Variants in PDE10A observed in about 807,000 individuals in gnomAD.
PDE10A encodes cAMP and cAMP-inhibited cGMP 3',5'-cyclic phosphodiesterase 10A.
Under a neutral mutation model 97.7 loss-of-function variants are expected in PDE10A, and 39 were observed. The observed-to-expected ratio is 0.40, with a 90% CI of 0.31 to 0.52. The LOEUF (loss-of-function observed/expected upper bound fraction) is 0.52. Ranked by LOEUF, PDE10A falls within the 20% of genes least tolerant of loss-of-function variation. PDE10A has a pLI of 0.56. For synonymous variants in PDE10A, 371 were observed against 376.8 expected, an observed-to-expected ratio of 0.98 and a Z score of 0.18; for missense variants, 731 against 1,047.8, an observed-to-expected ratio of 0.70 and a Z score of 4.17.
chr6:165,362,949 A>G (rs1783520825), intron 18 of PDE10A, among the ~76,000 whole-genome samples: 1 of 152,220 alleles, frequency 6.6e-6, no homozygotes, highest in South Asian at 2.1e-4. Context: ...CTAATAGAAT[A>G]AATAACAAAA....
At chr6:165,823,116 G>A (rs1467648360) in intron 1 of PDE10A, among the ~76,000 whole-genome samples, 1 of 151,920 alleles carries the variant, frequency 6.6e-6, no homozygotes, top group East Asian at 1.9e-4. Flanking sequence ...ACAGGAGTGA[G>A]CCACCGCTCC....
At position 165,447,877 on chromosome 6, in the gene PDE10A, G is replaced by A. The variant is rs192113992; in HGVS notation, c.1194+1051C>T. The stretch of plus-strand genomic sequence containing the variant: ...GCCTTTCATTTTTGAGGTAACAAGC[G>A]TAATTTGTTACAATACAAGGGAAAA... On this transcript the variant is annotated intron_variant, in intron 5 of 21. Transcript: ENST00000539869. 3.7e-4 allele frequency among the ~76,000 whole-genome samples: 56 copies of A among 152,260 alleles called. No homozygotes were observed. In the East Asian group the frequency reaches 4.5e-3, roughly 12 times the overall value.
intron 11 of PDE10A, among the ~76,000 whole-genome samples, chr6:165,416,616 T>C (rs371846343): frequency 1.3e-5 from 2 of 152,292 alleles, no homozygotes; most frequent in South Asian, 2.1e-4. Context: ...ATTTTTTTAG[T>C]GGATTCTCAA....
chr6:165,797,215 T>A (rs148550888), intron 1 of PDE10A, among the ~76,000 whole-genome samples: 2 of 152,346 alleles, frequency 1.3e-5, no homozygotes, highest in Non-Finnish European at 2.9e-5. Flanking sequence ...CCAGACATAC[T>A]ACTGAGATGC....
At chr6:165,461,308 C>T (rs1222487193) in intron 3 of PDE10A, among the ~76,000 whole-genome samples, 1 of 152,088 alleles carries the variant, frequency 6.6e-6, no homozygotes, top group Non-Finnish European at 1.5e-5. Context: ...TTTAGCTGAG[C>T]AAGACTGTAA....
intron 2 of PDE10A, among the ~76,000 whole-genome samples, chr6:165,501,694 C>A (rs73037869): frequency 6.6e-6 from 1 of 152,084 alleles, no homozygotes; most frequent in African/African-American, 2.4e-5. Flanking sequence ...GTTAAGGATA[C>A]CCTGTTGAAG....
In PDE10A at chr6:165,338,240, G is replaced by A. The variant is rs555303680; in HGVS notation, c.2976+1038C>T. Among the ~76,000 whole-genome samples the A allele has an allele frequency of 2.6e-4, 40 of 152,316 alleles. No individual in the cohort carries two copies. In the South Asian group the frequency reaches 8.1e-3, roughly 31 times the overall value. On this transcript the variant is annotated intron_variant, in intron 20 of 21. Coordinates refer to ENST00000539869, the MANE Select transcript of PDE10A (RefSeq NM_001385079.1). ...GTGCTGGTACCCTCTGTGAGCTGTG[G>A]ACTTGTCTAAATTTTGTATAAATCA...
intron 1 of PDE10A, among the ~76,000 whole-genome samples, chr6:165,732,734 C>A (rs897410268): frequency 6.6e-6 from 1 of 152,214 alleles, no homozygotes; most frequent in Admixed American, 6.5e-5. Context: ...AGCGTCACAT[C>A]CAAAATCTCC....
intron 2 of PDE10A, among the ~76,000 whole-genome samples, chr6:165,498,713 T>C (rs528352364): frequency 6.6e-6 from 1 of 152,272 alleles, no homozygotes; most frequent in East Asian, 1.9e-4. Context: ...AAGTTTAAAG[T>C]TGCTGACTTA....
chr6:165,717,881 A>G (rs923815593), intron 1 of PDE10A, among the ~76,000 whole-genome samples: 3 of 152,288 alleles, frequency 2.0e-5, no homozygotes, highest in Admixed American at 6.5e-5. Flanking sequence ...GGCCATCTGT[A>G]TATCTTCTCT....
chr6:165,364,743 T>A (rs1783653659), intron 18 of PDE10A, among the ~76,000 whole-genome samples: 1 of 152,216 alleles, frequency 6.6e-6, no homozygotes. Context: ...TATAAAATTT[T>A]AACTTAATAG....
At chr6:165,956,718 G>A (rs1370794103) in intron 1 of PDE10A, among the ~76,000 whole-genome samples, 2 of 152,158 alleles carry the variant, frequency 1.3e-5, no homozygotes, top group Admixed American at 6.5e-5. Context: ...GGTGAGCTGC[G>A]GGATTTCTCT....
intron 1 of PDE10A, among the ~76,000 whole-genome samples, chr6:165,843,757 T>C (rs1780326435): frequency 6.6e-6 from 1 of 152,106 alleles, no homozygotes; most frequent in South Asian, 2.1e-4. Context: ...GCGCGACAGG[T>C]GCAGAGAAAA....
At chr6:165,664,403 G>A (rs1156230207), upstream of PDE10A, among the ~76,000 whole-genome samples, 2 of 152,180 alleles carry the variant, frequency 1.3e-5, no homozygotes, top group African/African-American at 2.4e-5. Flanking sequence ...AAGCTGAGCA[G>A]TTGGGATGCA....
At chr6:165,980,080 T>C (rs1172773969) in intron 1 of PDE10A, among the ~76,000 whole-genome samples, 1 of 152,212 alleles carries the variant, frequency 6.6e-6, no homozygotes, top group African/African-American at 2.4e-5. Context: ...AAAAAAGTTG[T>C]CTTATGAATC....
intron 2 of PDE10A, among the ~76,000 whole-genome samples, chr6:165,527,894 A>G (rs527941038): frequency 1.1e-3 from 169 of 152,310 alleles, no homozygotes; most frequent in Non-Finnish European, 1.7e-3. Context: ...GACCTGGTTC[A>G]CAGATGGTTC....
intron 16 of PDE10A, among the ~76,000 whole-genome samples, chr6:165,391,738 G>A (rs963085325): frequency 6.6e-6 from 1 of 151,974 alleles, no homozygotes. Context: ...TTTTTTCCTA[G>A]AATGCATCTT....
chr6:165,749,446 CCATCACATCACCAT>C (rs1792942553), intron 1 of PDE10A, among the ~76,000 whole-genome samples: 1 of 106,684 alleles, frequency 9.4e-6, no homozygotes, highest in East Asian at 2.7e-4. Context: ...ACCATCACCA[CCATCACATCACCAT>C]CATCAACAAC....
In PDE10A at chr6:165,734,581, T is replaced by C. The variant is rs986930333; in HGVS notation, c.-614-191013A>G. ...ACAGTTTCTAGAAATAAAAATACAG[T>C]TACTAAAAATGAAGAATGAAATAAA... On this transcript the variant is annotated intron_variant, in intron 1 of 19. Coordinates refer to the PDE10A transcript ENST00000366882. Among the ~76,000 whole-genome samples the C allele has an allele frequency of 2.6e-5, 4 of 151,986 alleles. No homozygotes were observed. The South Asian group carries it at 8.3e-4, about 32-fold the overall frequency.
Sources: gnomAD v4.1 joint callset for allele counts (sites outside exome capture counted in the v4.1 genomes callset) on GRCh38, gnomAD v4.1.1 for gene constraint, MANE v1.5 for transcripts, NCBI Gene and HGNC (gene_info 2026-07-23, HGNC 2026-07-21) for gene names.